Variants in CAMKMT observed in about 807,000 individuals in gnomAD.
The protein encoded by CAMKMT is calmodulin-lysine N-methyltransferase.
Under a neutral mutation model 48.0 loss-of-function variants are expected in CAMKMT, and 53 were observed. The observed-to-expected ratio is 1.10, with a 90% confidence interval of 0.89 to 1.39. The LOEUF (loss-of-function observed/expected upper bound fraction) is 1.39. Ranked by LOEUF, CAMKMT falls within the 40% of genes most tolerant of loss-of-function variation. The pLI, the probability that CAMKMT is intolerant of heterozygous loss-of-function variation, is 0.00. For synonymous variants in CAMKMT, 165 were observed against 152.3 expected, an observed-to-expected ratio of 1.08 and a Z score of -0.61; for missense variants, 428 against 402.7, an observed-to-expected ratio of 1.06 and a Z score of -0.54.
chr2:44,695,414 C>G (rs897445179), intron 3 of CAMKMT, among the ~76,000 whole-genome samples: 1 of 152,114 alleles, frequency 6.6e-6, no homozygotes, highest in Non-Finnish European at 1.5e-5. Context: ...CTATGAAGTC[C>G]CCCTACTCAC....
intron 3 of CAMKMT, among the ~76,000 whole-genome samples, chr2:44,558,863 T>C (rs141929677): frequency 1.1e-3 from 170 of 152,252 alleles, no homozygotes; most frequent in African/African-American, 3.9e-3. Context: ...GGATTATTCG[T>C]ACACCAAACC....
At chr2:44,652,185 C>T (rs925999462) in intron 3 of CAMKMT, among the ~76,000 whole-genome samples, 6 of 152,194 alleles carry the variant, frequency 3.9e-5, no homozygotes, top group African/African-American at 1.4e-4. Flanking sequence ...GACAAATGAT[C>T]TCTTCTGACT....
chr2:44,532,079 G>A (rs1282963849), intron 3 of CAMKMT, among the ~76,000 whole-genome samples: 4 of 152,168 alleles, frequency 2.6e-5, no homozygotes, highest in Non-Finnish European at 5.9e-5. Context: ...ATGTAGGTAT[G>A]TACATGTATT....
intron 3 of CAMKMT, among the ~76,000 whole-genome samples, chr2:44,654,261 A>T (rs1367000288): frequency 6.6e-6 from 1 of 152,222 alleles, no homozygotes; most frequent in Non-Finnish European, 1.5e-5. Context: ...CATAGAATTT[A>T]GGTTTAGAAT....
chr2:44,611,057 A>G (rs1294791722), intron 3 of CAMKMT, among the ~76,000 whole-genome samples: 1 of 152,166 alleles, frequency 6.6e-6, no homozygotes, highest in African/African-American at 2.4e-5. Flanking sequence ...TAGTCTCAAG[A>G]TAGTATCTGA....
At chr2:44,735,292 T>C (rs764293200) in intron 7 of CAMKMT, among the ~76,000 whole-genome samples, 2 of 152,212 alleles carry the variant, frequency 1.3e-5, no homozygotes, top group Non-Finnish European at 2.9e-5. Context: ...AGCTGTTTTG[T>C]CCAGTCTGAC....
chr2:44,726,296 A>G (rs1052481616), intron 7 of CAMKMT, among the ~76,000 whole-genome samples: 6 of 152,090 alleles, frequency 3.9e-5, no homozygotes, highest in Non-Finnish European at 7.4e-5. Flanking sequence ...CATCTATTGT[A>G]TCTTGACCTT....
chr2:44,686,220 C>T (rs1034296601), intron 3 of CAMKMT, among the ~76,000 whole-genome samples: 2 of 151,832 alleles, frequency 1.3e-5, no homozygotes, highest in Admixed American at 6.6e-5. Context: ...GATGAAACAC[C>T]GTATCTACTA....
chr2:44,709,455 CA>C, intron 6 of CAMKMT, among the ~76,000 whole-genome samples: 1 of 152,010 alleles, frequency 6.6e-6, no homozygotes, highest in Non-Finnish European at 1.5e-5. Flanking sequence ...CTGTTGTAAC[CA>C]GATCTAATTT....
intron 3 of CAMKMT, among the ~76,000 whole-genome samples, chr2:44,542,241 G>A (rs918884118): frequency 6.6e-6 from 1 of 152,096 alleles, no homozygotes; most frequent in Middle Eastern, 3.2e-3. Flanking sequence ...TGCTTAAGGA[G>A]GCACATAATT....
rs541455455 is a variant in CAMKMT, at chr2:44,527,434, T to A, written c.376+137129T>A. On this transcript the variant is annotated intron_variant, in intron 3 of 10. Coordinates refer to ENST00000378494, the MANE Select transcript of CAMKMT (RefSeq NM_024766.5). ...ATATATTATATATATATATATATTT[T>A]TTTTTTTGGTAGAGATGAGGTCTCT... Among the ~76,000 whole-genome samples the A allele has an allele frequency of 7.4e-4, 107 of 143,906 alleles. 2 individuals carry two copies. The East Asian group carries it at 0.02, about 26-fold the overall frequency. The allele number at this position is 143,906 out of a possible 152,430, so 94.4% of individuals were successfully genotyped here.
intron 3 of CAMKMT, among the ~76,000 whole-genome samples, chr2:44,660,630 G>A (rs1011428080): frequency 6.6e-6 from 1 of 152,054 alleles, no homozygotes; most frequent in African/African-American, 2.4e-5. Context: ...TTGTTTGTTT[G>A]TTTTGAGACA....
At chr2:44,638,029 T>A (rs1673230598) in intron 3 of CAMKMT, among the ~76,000 whole-genome samples, 1 of 135,860 alleles carries the variant, frequency 7.4e-6, no homozygotes, top group Non-Finnish European at 1.5e-5. Context: ...CATGCCAGCC[T>A]GGGCGACCGA....
chr2:44,441,116 TCA>T (rs1198285093), intron 3 of CAMKMT, among the ~76,000 whole-genome samples: 1 of 152,188 alleles, frequency 6.6e-6, no homozygotes. Context: ...AATTTTTTTC[TCA>T]CTTATTTGGT....
intron 3 of CAMKMT, among the ~76,000 whole-genome samples, chr2:44,646,450 A>G (rs987629208): frequency 7.9e-5 from 12 of 152,124 alleles, no homozygotes; most frequent in African/African-American, 2.9e-4. Flanking sequence ...AAGTTCAACA[A>G]ACTTCTTACA....
chr2:44,695,334 G>A (rs1676879819), intron 3 of CAMKMT, among the ~76,000 whole-genome samples: 2 of 152,102 alleles, frequency 1.3e-5, no homozygotes, highest in Non-Finnish European at 2.9e-5. Flanking sequence ...CTCATCATTA[G>A]TGTTCTTGTC....
chr2:44,729,715 G>A (rs996965759), intron 7 of CAMKMT, among the ~76,000 whole-genome samples: 30 of 152,092 alleles, frequency 2.0e-4, no homozygotes, highest in Non-Finnish European at 8.8e-5. Context: ...CAGGCAAGCC[G>A]CTACAGCCAA....
chr2:44,549,529 T>C, intron 3 of CAMKMT: 2 of 694,172 alleles, frequency 2.9e-6, no homozygotes, highest in Non-Finnish European at 5.2e-6. Flanking sequence ...AAAATGTATA[T>C]ATAATTTTTT....
At chr2:44,668,540 G>A (rs1675139171) in intron 3 of CAMKMT, among the ~76,000 whole-genome samples, 1 of 152,100 alleles carries the variant, frequency 6.6e-6, no homozygotes, top group South Asian at 2.1e-4. Flanking sequence ...TTGTTTCTCT[G>A]CTCTTTTTCA....
Sources: allele counts gnomAD v4.1 joint callset (sites outside exome capture counted in the v4.1 genomes callset), GRCh38; gene constraint gnomAD v4.1.1; transcripts MANE v1.5; gene names NCBI Gene and HGNC (gene_info 2026-07-23, HGNC 2026-07-21).